The following HORMAD2 variants were observed in gnomAD, a reference collection of about 807,000 sequenced individuals.
HORMAD2 encodes HORMA domain containing 2.
In HORMAD2, 45 loss-of-function variants were observed where a neutral mutation model predicts 38.8. The observed-to-expected ratio is 1.16, with a 90% CI of 0.91 to 1.49. The LOEUF (loss-of-function observed/expected upper bound fraction) is 1.49, where lower values mean the gene tolerates loss of function less well. HORMAD2 is among the 40% of genes most tolerant of loss of function. HORMAD2 has a pLI of 0.00. For synonymous variants in HORMAD2, 126 were observed against 122.8 expected (o/e 1.03, Z -0.17); for missense variants, 338 against 367.0 (o/e 0.92, Z 0.65).
At chr22:30,116,330 T>C (rs1326314733) in intron 7 of HORMAD2, among the ~76,000 whole-genome samples, 1 of 152,150 alleles carries the variant, frequency 6.6e-6, no homozygotes, top group Non-Finnish European at 1.5e-5. Context: ...GAGAAGCTAA[T>C]GGGGGTTTTT....
chr22:30,091,379 C>A (rs2068682857), intron 1 of HORMAD2, among the ~76,000 whole-genome samples: 1 of 151,570 alleles, frequency 6.6e-6, no homozygotes, highest in African/African-American at 2.4e-5. Flanking sequence ...AAGTAGTCCA[C>A]CTTAGCTTCC....
At chr22:30,137,972 G>A (rs757239853) in intron 10 of HORMAD2, among the ~76,000 whole-genome samples, 9 of 152,060 alleles carry the variant, frequency 5.9e-5, no homozygotes, top group Non-Finnish European at 1.2e-4. Context: ...TTAATCATTT[G>A]GAGAACTCCA....
intron 1 of HORMAD2, among the ~76,000 whole-genome samples, chr22:30,088,377 T>A (rs1209864140): frequency 6.6e-6 from 1 of 151,510 alleles, no homozygotes; most frequent in African/African-American, 2.4e-5. Context: ...AATGCTAATA[T>A]TAACCTGCTT....
At chr22:30,091,933 G>A (rs899338006) in intron 1 of HORMAD2, among the ~76,000 whole-genome samples, 3 of 151,982 alleles carry the variant, frequency 2.0e-5, no homozygotes, top group African/African-American at 7.3e-5. Flanking sequence ...CTGGAGTGCA[G>A]TGACAAGATC....
intron 10 of HORMAD2, among the ~76,000 whole-genome samples, chr22:30,173,203 G>A (rs960822684): frequency 2.0e-5 from 3 of 152,194 alleles, no homozygotes; most frequent in African/African-American, 4.8e-5. Flanking sequence ...AGGCCATAAA[G>A]CACCTAGACT....
chr22:30,101,132 A>G (rs535531712), intron 3 of HORMAD2, among the ~76,000 whole-genome samples: 36 of 152,372 alleles, frequency 2.4e-4, no homozygotes, highest in African/African-American at 7.7e-4. Context: ...ACACATGCAC[A>G]CATATGTTTA....
intron 10 of HORMAD2, among the ~76,000 whole-genome samples, chr22:30,168,946 A>G (rs545712111): frequency 3.3e-5 from 5 of 152,248 alleles, no homozygotes; most frequent in Non-Finnish European, 7.4e-5. Context: ...TTAAAGAATG[A>G]CATTGTCTGA....
In HORMAD2 at chr22:30,176,391, T is replaced by C; in HGVS notation, c.*224T>C. Reference sequence around the variant, plus strand: ...TCAATAGGGCTGCCTCTGGATAGCATTACTTCAAAGCTGGGTTAGAGATGA... The same window carrying C: ...TCAATAGGGCTGCCTCTGGATAGCACTACTTCAAAGCTGGGTTAGAGATGA... On this transcript the variant is annotated 3_prime_UTR_variant, in exon 11 of 11. Coordinates refer to ENST00000336726, the MANE Select transcript of HORMAD2 (RefSeq NM_152510.4). 2.2e-6 allele frequency: 1 copy of C among 447,454 alleles called. No homozygotes were observed. Among genetic ancestry groups the C allele is most frequent in the Non-Finnish European group, 4.0e-6 (1 of 249,922 alleles). The allele number at this position is 447,454 out of a possible 1,614,324, so 27.7% of individuals were successfully genotyped here. A position where few individuals can be genotyped will look rare whatever the true frequency, so the allele number is the denominator to read the frequency against.
chr22:30,170,925 A>G (rs1926071608), intron 10 of HORMAD2, among the ~76,000 whole-genome samples: 1 of 152,172 alleles, frequency 6.6e-6, no homozygotes, highest in Non-Finnish European at 1.5e-5. Flanking sequence ...AAGTGGACAT[A>G]TTTGAGTCCT....
chr22:30,100,187 C>T (rs886368237), intron 3 of HORMAD2, among the ~76,000 whole-genome samples: 7 of 152,274 alleles, frequency 4.6e-5, no homozygotes, highest in African/African-American at 1.7e-4. Flanking sequence ...TCAAATTATG[C>T]TACAAGGCTA....
chr22:30,122,661 A>G (rs5753016), intron 10 of HORMAD2, among the ~76,000 whole-genome samples: 1 of 152,162 alleles, frequency 6.6e-6, no homozygotes, highest in Non-Finnish European at 1.5e-5. Flanking sequence ...AATAATAGTT[A>G]ACTTCTGGTT....
intron 5 of HORMAD2, among the ~76,000 whole-genome samples, chr22:30,109,061 G>C (rs1921431126): frequency 7.3e-6 from 1 of 136,278 alleles, no homozygotes; most frequent in Non-Finnish European, 1.5e-5. Flanking sequence ...GTCTCTCTCT[G>C]TTGCCCAGGC....
intron 10 of HORMAD2, among the ~76,000 whole-genome samples, chr22:30,159,615 A>G (rs1436766379): frequency 2.0e-5 from 3 of 152,230 alleles, no homozygotes; most frequent in Non-Finnish European, 4.4e-5. Context: ...GCCATGCATG[A>G]CTGTGCTGAT....
chr22:30,166,771 C>T (rs935290249), intron 10 of HORMAD2, among the ~76,000 whole-genome samples: 9 of 152,146 alleles, frequency 5.9e-5, no homozygotes, highest in African/African-American at 2.2e-4. Flanking sequence ...AAAGAAAGTT[C>T]ATGTCAAATT....
chr22:30,123,058 G>A (rs1922572536), intron 10 of HORMAD2, among the ~76,000 whole-genome samples: 1 of 152,120 alleles, frequency 6.6e-6, no homozygotes, highest in African/African-American at 2.4e-5. Flanking sequence ...AACTTCTGAA[G>A]GTTCCTTCTA....
chr22:30,173,728 G>A (rs555237363), intron 10 of HORMAD2, among the ~76,000 whole-genome samples: 5 of 152,314 alleles, frequency 3.3e-5, no homozygotes, highest in Non-Finnish European at 7.3e-5. Flanking sequence ...GCTTATGAAT[G>A]GTAATTGATT....
chr22:30,113,031 T>G (rs1921777555), intron 7 of HORMAD2, among the ~76,000 whole-genome samples: 1 of 152,144 alleles, frequency 6.6e-6, no homozygotes, highest in Non-Finnish European at 1.5e-5. Flanking sequence ...ACCTCTTTAC[T>G]TCTCTCTTTA....
At chr22:30,207,117 G>T in the HORMAD2 span, 28 of 470,630 alleles carry the variant, frequency 5.9e-5, 1 homozygote, top group South Asian at 4.3e-4. Context: ...GCTGTCAGGA[G>T]GCGGGAATGC....
At chr22:30,155,775 A>G (rs1279487665) in intron 10 of HORMAD2, among the ~76,000 whole-genome samples, 3 of 152,162 alleles carry the variant, frequency 2.0e-5, no homozygotes, top group African/African-American at 7.2e-5. Context: ...CACTTTCTAT[A>G]TTTGTAATTT....
Sources: allele counts gnomAD v4.1 joint callset (sites outside exome capture counted in the v4.1 genomes callset), GRCh38; gene constraint gnomAD v4.1.1; transcripts MANE v1.5; gene names NCBI Gene and HGNC (gene_info 2026-07-23, HGNC 2026-07-21).